Variants in RALGAPA1 observed in about 807,000 individuals in gnomAD.
RALGAPA1 encodes the protein Ral GTPase activating protein catalytic subunit alpha 1, also known as ral GTPase-activating protein subunit alpha-1.
Under a neutral mutation model 269.6 loss-of-function variants are expected in RALGAPA1, and 52 were observed. The ratio of observed to expected loss-of-function variants is 0.19; its 90% CI spans 0.15 to 0.24. RALGAPA1 has a LOEUF of 0.24. Among genes scored for constraint, RALGAPA1 ranks in the 10% least tolerant of loss-of-function variants. The probability of loss-of-function intolerance (pLI) is 1.00; values close to 1 mark genes in which losing one functional copy is unlikely to be tolerated. For missense variants in RALGAPA1, 1,917 were observed against 3,013.9 expected, an observed-to-expected ratio of 0.64 and a Z score of 8.52; for synonymous variants, 817 against 1,008.3, an observed-to-expected ratio of 0.81 and a Z score of 3.60.
At chr14:35,663,386 T>C (rs772987422) in intron 27 of RALGAPA1, among the ~76,000 whole-genome samples, 42 of 151,628 alleles carry the variant, frequency 2.8e-4, no homozygotes, top group Non-Finnish European at 5.3e-4. Context: ...TAACATAAAC[T>C]GGACTTTTTA....
chr14:35,752,465 A>C (rs1211720626), intron 7 of RALGAPA1, among the ~76,000 whole-genome samples: 1 of 152,208 alleles, frequency 6.6e-6, no homozygotes, highest in Non-Finnish European at 1.5e-5. Context: ...TGAATAATTC[A>C]GCCTAAAAAA....
chr14:35,665,261 C>T (rs1001910299), intron 26 of RALGAPA1, among the ~76,000 whole-genome samples: 1 of 152,176 alleles, frequency 6.6e-6, no homozygotes, highest in Non-Finnish European at 1.5e-5. Flanking sequence ...ATACCACTTA[C>T]TAGAAGCAAC....
chr14:35,640,520 A>G (rs1176294123), intron 31 of RALGAPA1, among the ~76,000 whole-genome samples: 2 of 152,160 alleles, frequency 1.3e-5, no homozygotes, highest in African/African-American at 4.8e-5. Context: ...GACACATAAA[A>G]TCTATTAAGA....
chr14:35,791,561 C>T (rs897888626), intron 1 of RALGAPA1, among the ~76,000 whole-genome samples: 3 of 151,110 alleles, frequency 2.0e-5, no homozygotes, highest in East Asian at 3.9e-4. Context: ...GAACTGAGAT[C>T]GCGCTATTGC....
chr14:35,541,137 C>T (rs1026248925), intron 41 of RALGAPA1, among the ~76,000 whole-genome samples: 5 of 148,472 alleles, frequency 3.4e-5, no homozygotes, highest in African/African-American at 1.3e-4. Flanking sequence ...TCTCCACTGC[C>T]CGGGTTCAAG....
chr14:35,664,631 T>A lies in RALGAPA1; in HGVS notation c.5328+11A>T. The A allele has an allele frequency of 1.3e-6, 2 of 1,591,546 alleles. No homozygotes were observed. The highest frequency in any genetic ancestry group is 1.7e-6 in the Non-Finnish European group (2 of 1,171,146). ...CATTTAAGTGCTAAAAATTAGCATCTCATTTCTTACCTTAACATCTGTAAA... is the reference window on the plus strand; with the variant it reads ...CATTTAAGTGCTAAAAATTAGCATCACATTTCTTACCTTAACATCTGTAAA... On this transcript the variant is annotated intron_variant, in intron 27 of 41. Transcript: ENST00000680220.
chr14:35,694,757 C>G (rs1027401092), intron 17 of RALGAPA1, among the ~76,000 whole-genome samples: 1 of 152,080 alleles, frequency 6.6e-6, no homozygotes, highest in African/African-American at 2.4e-5. Context: ...GTTAGCTTCA[C>G]ATTTTTCTTG....
chr14:35,655,906 T>C lies in RALGAPA1; in HGVS notation c.5397A>G (p.Ala1799=), dbSNP rs1165930780. The C allele has an allele frequency of 2.5e-6, 4 of 1,613,222 alleles. No individual in the cohort carries two copies. Among genetic ancestry groups the C allele is most frequent in the Middle Eastern group, 1.7e-4 (1 of 6,056 alleles). ...AAATCCAAATACCTAAACTACAAAG[T>C]GCTACACATCTGCAAAAAAGGCAAA... ...DEPSGPARCV[A]LCSLGIWICE... Residue 1799 remains alanine (A), a synonymous_variant, in exon 29 of 42, where the codon GCA becomes GCG. Transcript: ENST00000680220.
At chr14:35,718,416 T>C (rs1478301268) in intron 16 of RALGAPA1, among the ~76,000 whole-genome samples, 3 of 152,192 alleles carry the variant, frequency 2.0e-5, no homozygotes, top group Non-Finnish European at 1.5e-5. Flanking sequence ...GTAATAATGG[T>C]TGCCTCTAGT....
Position 35,756,928 on chromosome 14 carries a change from T to G in RALGAPA1, c.548-20A>C. The G allele has an allele frequency of 1.3e-6, 2 of 1,540,340 alleles. No homozygotes were observed. The highest frequency in any genetic ancestry group is 1.7e-6 in the Non-Finnish European group (2 of 1,143,288). ...CTTGAGCTATCCAAAGACAAAAGAA[T>G]AGTATATAGTTACAAAACAAATTTA... On this transcript the variant is annotated intron_variant, in intron 6 of 41. Coordinates refer to ENST00000680220, the MANE Select transcript of RALGAPA1 (RefSeq NM_001346249.2).
At chr14:35,766,700 T>A in intron 4 of RALGAPA1, 1 of 591,584 alleles carries the variant, frequency 1.7e-6, no homozygotes, top group Non-Finnish European at 3.3e-6. Flanking sequence ...AATAAAAATA[T>A]GAAAATTATT....
chr14:35,585,538 T>C (rs116400067), intron 37 of RALGAPA1, among the ~76,000 whole-genome samples: 7,857 of 152,254 alleles, frequency 0.052, 591 homozygotes, highest in African/African-American at 0.16. Flanking sequence ...TAAAAAATAG[T>C]TAAAATGAAC....
chr14:35,637,132 G>A (rs1313124500), intron 31 of RALGAPA1, among the ~76,000 whole-genome samples: 1 of 152,178 alleles, frequency 6.6e-6, no homozygotes, highest in African/African-American at 2.4e-5. Flanking sequence ...CGAAGACTAT[G>A]ATAAATACCT....
At chr14:35,762,431 T>A (rs1229875912) in intron 5 of RALGAPA1, among the ~76,000 whole-genome samples, 1 of 152,138 alleles carries the variant, frequency 6.6e-6, no homozygotes, top group Non-Finnish European at 1.5e-5. Flanking sequence ...AATTTTTGTA[T>A]TTTTAGTAGA....
At position 35,605,597 on chromosome 14, in the gene RALGAPA1, G is replaced by A. The variant is rs776703245; in HGVS notation, c.7042C>T (p.Leu2348Phe). The change falls in exon 36 of 42, where the codon CTT (leucine) becomes TTT (phenylalanine). Residue 2348 changes from leucine to phenylalanine, a missense_variant. Physicochemically the swap from Leu to Phe is conservative, Grantham distance 22. Transcript: ENST00000680220. The stretch of plus-strand genomic sequence containing the variant: ...TTTAAAAATAATACCTCCCAACCAA[G>A]ACCAGCTACAAAATCTTCATATGCT... ...SQAYEDFVAG[L>F]GWEVNLTNHC... 6.2e-7 allele frequency: 1 copy of A among 1,600,044 alleles called. No individual in the cohort carries two copies. The highest frequency in any genetic ancestry group is 8.5e-7 in the Non-Finnish European group (1 of 1,175,662).
chr14:35,605,241 T>C (rs562671012), intron 36 of RALGAPA1, among the ~76,000 whole-genome samples: 10 of 152,240 alleles, frequency 6.6e-5, no homozygotes, highest in African/African-American at 2.2e-4. Flanking sequence ...TCCTCAAAAC[T>C]GTGTATACCC....
At chr14:35,768,368 C>T (rs527355559) in intron 4 of RALGAPA1, among the ~76,000 whole-genome samples, 78 of 152,256 alleles carry the variant, frequency 5.1e-4, no homozygotes, top group African/African-American at 1.9e-3. Context: ...AGGCATGGGG[C>T]ATCATGCCTG....
chr14:35,539,263 T>G lies in RALGAPA1; in HGVS notation c.*451A>C, dbSNP rs982084031. 5.0e-6 allele frequency: 1 copy of G among 198,436 alleles called. No individual in the cohort carries two copies. Among genetic ancestry groups the G allele is most frequent in the African/African-American group, 2.3e-5 (1 of 43,198 alleles). The allele number at this position is 198,436 out of a possible 1,614,324, so 12.3% of individuals were successfully genotyped here. On this transcript the variant is annotated 3_prime_UTR_variant, in exon 42 of 42. Coordinates refer to ENST00000680220, the MANE Select transcript of RALGAPA1 (RefSeq NM_001346249.2). ...CCATGAAATTAAAGATAAAACTACT[T>G]AGACATAATTATCTAGGAAGGTAAA...
intron 37 of RALGAPA1, among the ~76,000 whole-genome samples, chr14:35,584,878 A>C (rs1259250861): frequency 2.0e-5 from 3 of 152,198 alleles, no homozygotes. Context: ...TTAAGAATTA[A>C]TGTTATAAAT....
Sources: allele counts gnomAD v4.1 joint callset (sites outside exome capture counted in the v4.1 genomes callset), GRCh38; gene constraint gnomAD v4.1.1; transcripts MANE v1.5; gene names NCBI Gene and HGNC (gene_info 2026-07-23, HGNC 2026-07-21).